Variants in SLC26A7 observed in about 807,000 individuals in gnomAD.
SLC26A7 encodes anion exchange transporter.
SLC26A7 carries 59 observed loss-of-function variants against 82.5 expected under a neutral mutation model. The ratio of observed to expected loss-of-function variants is 0.72; its 90% CI spans 0.58 to 0.89. The LOEUF (loss-of-function observed/expected upper bound fraction) is 0.89. SLC26A7 is among the 40% of genes least tolerant of loss of function. The pLI, the probability that SLC26A7 is intolerant of heterozygous loss-of-function variation, is 0.00. For synonymous variants in SLC26A7, 271 were observed against 274.3 expected, an observed-to-expected ratio of 0.99 and a Z score of 0.12; for missense variants, 820 against 793.0, an observed-to-expected ratio of 1.03 and a Z score of -0.41.
At chr8:91,325,647 C>A (rs78440871) in intron 5 of SLC26A7, among the ~76,000 whole-genome samples, 8,298 of 152,110 alleles carry the variant, frequency 0.055, 273 homozygotes, top group African/African-American at 0.068. Flanking sequence ...CCATTGAATA[C>A]CACCACTAAA....
chr8:91,369,561 T>TCTGA (rs1291947922), intron 14 of SLC26A7, among the ~76,000 whole-genome samples: 10 of 152,252 alleles, frequency 6.6e-5, no homozygotes, highest in African/African-American at 1.9e-4. Context: ...AAGAAGACAG[T>TCTGA]CTGATAACAT....
chr8:91,397,599 A>G lies in SLC26A7; in HGVS notation c.*2502A>G, dbSNP rs1808605366. 1 of 152,562 alleles carries G rather than the reference A, an allele frequency of 6.6e-6. No homozygotes were observed. Among genetic ancestry groups the G allele is most frequent in the South Asian group, 2.1e-4 (1 of 4,836 alleles). 9.5% of individuals were successfully genotyped at this position (152,562 alleles called of 1,614,324 possible). The stretch of plus-strand genomic sequence containing the variant: ...GGAAAAGACTGTTAACATTACATTT[A>G]TGCAAATTAAATGCCCTTAAATTTC... On this transcript the variant is annotated 3_prime_UTR_variant, in exon 19 of 19. Transcript: ENST00000276609.
intron 1 of SLC26A7, among the ~76,000 whole-genome samples, chr8:91,211,836 G>A (rs1478707994): frequency 2.0e-5 from 3 of 151,806 alleles, no homozygotes; most frequent in Non-Finnish European, 4.4e-5. Context: ...AAAGGAGGGA[G>A]ACACTGGATG....
At chr8:91,319,218 G>GAGGAT (rs879581086) in intron 5 of SLC26A7, among the ~76,000 whole-genome samples, 1 of 151,964 alleles carries the variant, frequency 6.6e-6, no homozygotes, top group Non-Finnish European at 1.5e-5. Context: ...CTCTTTATTT[G>GAGGAT]CATATTATTC....
At chr8:91,291,741 T>G (rs968716763) in intron 3 of SLC26A7, among the ~76,000 whole-genome samples, 16 of 152,334 alleles carry the variant, frequency 1.1e-4, no homozygotes, top group African/African-American at 3.8e-4. Context: ...GACTCTATAT[T>G]TAACAAATTT....
intron 2 of SLC26A7, among the ~76,000 whole-genome samples, chr8:91,278,217 C>T (rs1345945875): frequency 1.3e-5 from 2 of 149,486 alleles, no homozygotes; most frequent in African/African-American, 5.0e-5. Flanking sequence ...AACAGGGAAG[C>T]CCCACGGCTC....
At chr8:91,324,854 A>T (rs1812891957) in intron 5 of SLC26A7, among the ~76,000 whole-genome samples, 3 of 152,194 alleles carry the variant, frequency 2.0e-5, no homozygotes, top group Admixed American at 2.0e-4. Flanking sequence ...TGGAGGCTAG[A>T]AAGATGAGAG....
At chr8:91,236,897 A>G (rs949513502) in intron 2 of SLC26A7, among the ~76,000 whole-genome samples, 3 of 152,192 alleles carry the variant, frequency 2.0e-5, no homozygotes, top group Non-Finnish European at 2.9e-5. Context: ...TCACCACACT[A>G]ATGTCTAATA....
chr8:91,238,413 A>G (rs1401957191), intron 2 of SLC26A7, among the ~76,000 whole-genome samples: 4 of 151,986 alleles, frequency 2.6e-5, no homozygotes, highest in African/African-American at 9.7e-5. Context: ...TTCTATAGCT[A>G]AAGTGGCTCA....
intron 4 of SLC26A7, among the ~76,000 whole-genome samples, chr8:91,300,247 A>G (rs1378262639): frequency 2.0e-5 from 3 of 152,120 alleles, no homozygotes; most frequent in Non-Finnish European, 4.4e-5. Flanking sequence ...TGTTGCTATT[A>G]TAAGTGGAGT....
chr8:91,375,151 T>C lies in SLC26A7; in HGVS notation c.1675+5318T>C, dbSNP rs141300676. 2.4e-4 allele frequency among the ~76,000 whole-genome samples: 37 copies of C among 152,198 alleles called. No individual in the cohort carries two copies. In the East Asian group the frequency reaches 6.9e-3, roughly 29 times the overall value. On this transcript the variant is annotated intron_variant, in intron 15 of 18. Coordinates refer to ENST00000276609, the MANE Select transcript of SLC26A7 (RefSeq NM_052832.4). The stretch of plus-strand genomic sequence containing the variant: ...TGTTGTTACACAAAAAATGAGGCTA[T>C]GGAGGCAGCAGATGGTTGGGTCTTT...
intron 4 of SLC26A7, among the ~76,000 whole-genome samples, chr8:91,308,143 T>TTGAGGAGTACTGGTCA (rs1370364200): frequency 1.3e-5 from 2 of 152,150 alleles, no homozygotes; most frequent in Non-Finnish European, 2.9e-5. Flanking sequence ...CTTGACACTT[T>TTGAGGAGTACTGGTCA]TGAGGAGTAC....
intron 2 of SLC26A7, among the ~76,000 whole-genome samples, chr8:91,274,147 A>T (rs1333649034): frequency 1.3e-5 from 2 of 152,214 alleles, no homozygotes; most frequent in Admixed American, 1.3e-4. Flanking sequence ...TGCTCAGGGC[A>T]GAATCTAGTA....
intron 2 of SLC26A7, among the ~76,000 whole-genome samples, chr8:91,252,185 A>C (rs542472688): frequency 6.6e-6 from 1 of 152,146 alleles, no homozygotes; most frequent in South Asian, 2.1e-4. Context: ...AGCATAGTTG[A>C]ATTATATAAA....
rs373330898 is a variant in SLC26A7 at position 91,361,568 on chromosome 8, T to A, written c.1315-785T>A. Among the ~76,000 whole-genome samples the A allele has an allele frequency of 1.5e-4, 23 of 152,208 alleles. No homozygotes were observed. In the South Asian group the frequency reaches 1.9e-3, roughly 12 times the overall value. On this transcript the variant is annotated intron_variant, in intron 11 of 18. Coordinates refer to ENST00000276609, the MANE Select transcript of SLC26A7 (RefSeq NM_052832.4). ...AATGCAGGATTTAGTGTTAAGAAAATATAACCTGGATTTCACAAATTATTT... is the reference window on the plus strand; with the variant it reads ...AATGCAGGATTTAGTGTTAAGAAAAAATAACCTGGATTTCACAAATTATTT...
chr8:91,256,714 T>G (rs1810813888), intron 2 of SLC26A7, among the ~76,000 whole-genome samples: 1 of 152,166 alleles, frequency 6.6e-6, no homozygotes, highest in Admixed American at 6.6e-5. Context: ...TATGTAGATT[T>G]AAGTTGGGTT....
At chr8:91,349,296 A>T (rs1230452087) in intron 9 of SLC26A7, among the ~76,000 whole-genome samples, 1 of 152,216 alleles carries the variant, frequency 6.6e-6, no homozygotes, top group Non-Finnish European at 1.5e-5. Context: ...GTAAACAAAT[A>T]GTCTTTTTCA....
intron 8 of SLC26A7, among the ~76,000 whole-genome samples, chr8:91,341,318 C>T (rs1813407179): frequency 6.6e-6 from 1 of 152,018 alleles, no homozygotes; most frequent in African/African-American, 2.4e-5. Flanking sequence ...GACATGAACT[C>T]ATCATTTTTT....
intron 2 of SLC26A7, among the ~76,000 whole-genome samples, chr8:91,252,286 G>A (rs1353227775): frequency 6.6e-6 from 1 of 151,834 alleles, no homozygotes; most frequent in East Asian, 1.9e-4. Context: ...CTCAAGGAGT[G>A]CATTTAAATT....
Sources: gnomAD v4.1 joint callset for allele counts (sites outside exome capture counted in the v4.1 genomes callset) on GRCh38, gnomAD v4.1.1 for gene constraint, MANE v1.5 for transcripts, NCBI Gene and HGNC (gene_info 2026-07-23, HGNC 2026-07-21) for gene names.